Variants in PCDHGA10 observed in about 807,000 individuals in gnomAD.
PCDHGA10 encodes protocadherin gamma-A10.
In PCDHGA10, 42 loss-of-function variants were observed where a neutral mutation model predicts 59.5. The ratio of observed to expected loss-of-function variants is 0.71; its 90% CI spans 0.55 to 0.91. The LOEUF (loss-of-function observed/expected upper bound fraction) is 0.91, where lower values mean the gene tolerates loss of function less well. Among genes scored for constraint, PCDHGA10 ranks in the 40% least tolerant of loss-of-function variants. PCDHGA10 has a pLI of 0.00. For synonymous variants in PCDHGA10, 511 were observed against 517.2 expected (o/e 0.99, Z 0.16); for missense variants, 1,111 against 1,198.2 (o/e 0.93, Z 1.07).
rs539406412 is a variant in PCDHGA10, at chr5:141,427,895, G to A, written c.2436+12284G>A. ...CGATGCAGGCCCACGACCAGGGCTCGCCCGCGCTCAGCGCCAACATGAGCC... is the reference window on the plus strand; with the variant it reads ...CGATGCAGGCCCACGACCAGGGCTCACCCGCGCTCAGCGCCAACATGAGCC... On this transcript the variant is annotated intron_variant, in intron 1 of 3. Transcript: ENST00000398610. 373 of 1,569,222 alleles carry A rather than the reference G, an allele frequency of 2.4e-4. 2 individuals are homozygous for A. In the South Asian group the frequency reaches 3.9e-3, roughly 17 times the overall value.
Position 141,490,083 on chromosome 5 carries a change from T to G in PCDHGA10, c.2437-4724T>G. Reference sequence around the variant, plus strand: ...CCAACGGCCAACTAGACTATTCTTTTGGAGACCACACATCTGAGGCAGTGC... The same window carrying G: ...CCAACGGCCAACTAGACTATTCTTTGGGAGACCACACATCTGAGGCAGTGC... On this transcript the variant is annotated intron_variant, in intron 1 of 3. Coordinates refer to ENST00000398610, the MANE Select transcript of PCDHGA10 (RefSeq NM_018913.3). This position sits in a 1 kb window ranked among gnomAD's most constrained non-coding sequence, Gnocchi z 5.4. 1.2e-6 allele frequency: 2 copies of G among 1,614,262 alleles called. No individual in the cohort carries two copies. The highest frequency in any genetic ancestry group is 1.7e-6 in the Non-Finnish European group (2 of 1,180,054).
intron 1 of PCDHGA10, chr5:141,417,649 C>G (rs1294192479): frequency 1.2e-6 from 1 of 826,168 alleles, no homozygotes; most frequent in East Asian, 2.8e-5. Flanking sequence ...CCCTCAGCCT[C>G]TAGCCTGGGA....
At chr5:141,450,881 G>A (rs1205242412) in intron 1 of PCDHGA10, among the ~76,000 whole-genome samples, 1 of 149,726 alleles carries the variant, frequency 6.7e-6, no homozygotes, top group African/African-American at 2.5e-5. Flanking sequence ...CTGGTGTGCA[G>A]TGGTGCGATA....
Position 141,489,902 on chromosome 5 carries a change from C to T in PCDHGA10, c.2437-4905C>T. The T allele has an allele frequency of 6.2e-7, 1 of 1,614,218 alleles. No individual in the cohort carries two copies. The highest frequency in any genetic ancestry group is 8.5e-7 in the Non-Finnish European group (1 of 1,180,032). On this transcript the variant is annotated intron_variant, in intron 1 of 3. Transcript: ENST00000398610. This position sits in a 1 kb window ranked among gnomAD's most constrained non-coding sequence, Gnocchi z 4.5. Reference sequence around the variant, plus strand: ...ACTGCTGTGGATGGGGGGACCCCAGCCCGCTCAGGGACCACCCTTATCTCT... The same window carrying T: ...ACTGCTGTGGATGGGGGGACCCCAGTCCGCTCAGGGACCACCCTTATCTCT...
At chr5:141,478,050 CG>C in intron 1 of PCDHGA10, 1 of 1,614,184 alleles carries the variant, frequency 6.2e-7, no homozygotes, top group Non-Finnish European at 8.5e-7. Context: ...CAGACTCTCA[CG>C]GTCTTGATCA....
At chr5:141,478,574 C>T (rs2099465133) in intron 1 of PCDHGA10, 1 of 1,586,288 alleles carries the variant, frequency 6.3e-7, no homozygotes, top group Non-Finnish European at 8.6e-7. Flanking sequence ...ATGCTTGACC[C>T]TGTTAGTGCT....
chr5:141,467,710 G>A (rs1284029664), intron 1 of PCDHGA10, among the ~76,000 whole-genome samples: 1 of 152,122 alleles, frequency 6.6e-6, no homozygotes, highest in Non-Finnish European at 1.5e-5. Context: ...TGCCCAGGCT[G>A]GAGTGTAGTG....
intron 1 of PCDHGA10, among the ~76,000 whole-genome samples, chr5:141,446,727 A>G (rs546345866): frequency 6.6e-6 from 1 of 152,258 alleles, no homozygotes; most frequent in African/African-American, 2.4e-5. Context: ...TCGGCCTCCC[A>G]AAGTGTGGGG....
At position 141,432,319 on chromosome 5, in the gene PCDHGA10, C is replaced by A; in HGVS notation, c.2436+16708C>A. The A allele has an allele frequency of 6.2e-7, 1 of 1,614,264 alleles. No individual in the cohort carries two copies. Among genetic ancestry groups the A allele is most frequent in the South Asian group, 1.1e-5 (1 of 91,088 alleles). ...GGGTACTGTATGCGCTGAGCTCCTTCGACTACGAGCAGTTCCGAGACTTGC... is the reference window on the plus strand; with the variant it reads ...GGGTACTGTATGCGCTGAGCTCCTTAGACTACGAGCAGTTCCGAGACTTGC... On this transcript the variant is annotated intron_variant, in intron 1 of 3. Transcript: ENST00000398610. The surrounding 1 kb of genome is among the most constrained non-coding windows in gnomAD (Gnocchi z 6.0).
chr5:141,501,964 A>G (rs1374872785), intron 2 of PCDHGA10, among the ~76,000 whole-genome samples: 1 of 151,854 alleles, frequency 6.6e-6, no homozygotes, highest in East Asian at 1.9e-4. Flanking sequence ...TCATCCTCCT[A>G]ACCTCTGGCA....
Position 141,485,616 on chromosome 5 carries a change from C to T in PCDHGA10, c.2437-9191C>T. On this transcript the variant is annotated intron_variant, in intron 1 of 3. Coordinates refer to ENST00000398610, the MANE Select transcript of PCDHGA10 (RefSeq NM_018913.3). This position sits in a 1 kb window ranked among gnomAD's most constrained non-coding sequence, Gnocchi z 5.7. ...TTGGAAATTGGGGAGGCAGCTCCTCCAGGACAGCGTTTCCCGTTGGAAAAG... is the reference window on the plus strand; with the variant it reads ...TTGGAAATTGGGGAGGCAGCTCCTCTAGGACAGCGTTTCCCGTTGGAAAAG... 1 of 1,612,210 alleles carries T rather than the reference C, an allele frequency of 6.2e-7. No individual in the cohort carries two copies.
At chr5:141,455,903 ATTTATTT>A (rs2098836354) in intron 1 of PCDHGA10, among the ~76,000 whole-genome samples, 1 of 145,228 alleles carries the variant, frequency 6.9e-6, no homozygotes, top group African/African-American at 2.7e-5. Context: ...TTATTTATTT[ATTTATTT>A]ATTTTGAGAC....
intron 2 of PCDHGA10, among the ~76,000 whole-genome samples, chr5:141,503,909 C>T (rs904260329): frequency 1.3e-5 from 2 of 152,156 alleles, no homozygotes; most frequent in Admixed American, 1.3e-4. Flanking sequence ...ACACACACAA[C>T]GCAACACACA....
At chr5:141,419,311 C>G (rs745852942) in intron 1 of PCDHGA10, 1 of 1,613,994 alleles carries the variant, frequency 6.2e-7, no homozygotes, top group Non-Finnish European at 8.5e-7. Flanking sequence ...TCGGGCTCAA[C>G]GGCCGTGTCT....
intron 1 of PCDHGA10, chr5:141,416,446 G>A (rs192789193): frequency 8.5e-5 from 13 of 152,284 alleles, no homozygotes; most frequent in East Asian, 5.8e-4. Context: ...GTAAATATGG[G>A]TTGGGAAGAC....
intron 1 of PCDHGA10, among the ~76,000 whole-genome samples, chr5:141,447,378 T>C (rs2098536967): frequency 6.6e-6 from 1 of 152,148 alleles, no homozygotes; most frequent in Non-Finnish European, 1.5e-5. Context: ...ACCCTGGTGA[T>C]CTGCCCACCT....
chr5:141,501,666 T>C (rs2099810374), intron 2 of PCDHGA10, among the ~76,000 whole-genome samples: 1 of 152,142 alleles, frequency 6.6e-6, no homozygotes. Context: ...TTGGAAAATA[T>C]AGATAATCAC....
rs754836894 is a variant in PCDHGA10 at position 141,432,969 on chromosome 5, C to G, written c.2436+17358C>G. ...GGAGGCGGCTTGACAGGAGCGCCGG[C>G]GTCGCACTTTGTGGGCGTGGACGGG... On this transcript the variant is annotated intron_variant, in intron 1 of 3. Coordinates refer to ENST00000398610, the MANE Select transcript of PCDHGA10 (RefSeq NM_018913.3). The surrounding 1 kb of genome is among the most constrained non-coding windows in gnomAD (Gnocchi z 6.0). 5.0e-6 allele frequency: 8 copies of G among 1,614,030 alleles called. No homozygotes were observed. In the Admixed American group the frequency reaches 5.0e-5, roughly 10 times the overall value.
intron 1 of PCDHGA10, chr5:141,423,750 T>TG (rs144521096): frequency 0.16 from 45,934 of 282,282 alleles, 1,791 homozygotes; most frequent in African/African-American, 0.37. Context: ...GAAAACTGTT[T>TG]GGGGGGGGGG....
Sources: gnomAD v4.1 joint callset for allele counts (sites outside exome capture counted in the v4.1 genomes callset) on GRCh38, gnomAD v4.1.1 for gene constraint, Gnocchi (gnomAD v3.1) non-coding constraint, MANE v1.5 for transcripts, NCBI Gene and HGNC (gene_info 2026-07-23, HGNC 2026-07-21) for gene names.